Variants in ACTN4 observed in about 807,000 individuals in gnomAD.
The protein encoded by ACTN4 is actinin alpha 4, also known as alpha-actinin-4.
A neutral mutation model predicts 114.2 loss-of-function variants in ACTN4; 18 were observed. That is an observed-to-expected ratio of 0.16 (90% CI 0.11 to 0.23). ACTN4 has a LOEUF of 0.23. Among genes scored for constraint, ACTN4 ranks in the 10% least tolerant of loss-of-function variants. ACTN4 has a pLI of 1.00. For missense variants in ACTN4, 722 were observed against 1,262.9 expected (o/e 0.57, Z 6.49); for synonymous variants, 515 against 506.3 (o/e 1.02, Z -0.23).
chr19:38,664,663 G>A (rs1210012324), intron 1 of ACTN4, among the ~76,000 whole-genome samples: 4 of 152,238 alleles, frequency 2.6e-5, no homozygotes, highest in Admixed American at 6.5e-5. Context: ...GCCTGGGCAC[G>A]GGAGCACTGC....
intron 1 of ACTN4, among the ~76,000 whole-genome samples, chr19:38,656,254 A>C (rs188804314): frequency 5.3e-5 from 8 of 152,206 alleles, no homozygotes; most frequent in African/African-American, 1.9e-4. Context: ...CTGGGACTAG[A>C]GGTGCACACC....
At chr19:38,714,924 A>C (rs933280042) in intron 9 of ACTN4, among the ~76,000 whole-genome samples, 1 of 152,336 alleles carries the variant, frequency 6.6e-6, no homozygotes, top group South Asian at 2.1e-4. Flanking sequence ...AGAAGGATGG[A>C]GAGGGGCCTG....
chr19:38,657,300 G>A (rs769226944), intron 1 of ACTN4, among the ~76,000 whole-genome samples: 1 of 151,950 alleles, frequency 6.6e-6, no homozygotes, highest in Non-Finnish European at 1.5e-5. Flanking sequence ...GCGCCACGAC[G>A]CCCAGCTAAT....
chr19:38,706,625 C>T (rs950246927), intron 5 of ACTN4, among the ~76,000 whole-genome samples: 21 of 152,240 alleles, frequency 1.4e-4, no homozygotes, highest in African/African-American at 4.6e-4. Context: ...CCCTATGTTG[C>T]CCAGGCTGGA....
intron 1 of ACTN4, among the ~76,000 whole-genome samples, chr19:38,678,143 C>A (rs1967436659): frequency 6.6e-6 from 1 of 152,208 alleles, no homozygotes; most frequent in African/African-American, 2.4e-5. Flanking sequence ...GTTTACTGAG[C>A]TAGGATTGAC....
At chr19:38,726,918 C>T in intron 17 of ACTN4, 39 bp from the exon 18 acceptor site, 1 of 1,612,154 alleles carries the variant, frequency 6.2e-7, no homozygotes, top group Non-Finnish European at 8.5e-7. Flanking sequence ...GGACAGTTCA[C>T]AGCACCCGGC....
intron 1 of ACTN4, among the ~76,000 whole-genome samples, chr19:38,698,846 C>T (rs1223154240): frequency 6.6e-6 from 1 of 152,214 alleles, no homozygotes; most frequent in East Asian, 1.9e-4. Context: ...AATTAGGCAG[C>T]TGCTTTGTCT....
rs1245769793 is a variant in ACTN4, at chr19:38,674,530, A to G, written c.163-26070A>G. Reference sequence around the variant, plus strand: ...TTCGATGCTGGGACAGATCCCTAACACAGCTCATTAAAGCAGATAGCACCA... The same window carrying G: ...TTCGATGCTGGGACAGATCCCTAACGCAGCTCATTAAAGCAGATAGCACCA... On this transcript the variant is annotated intron_variant, in intron 1 of 20. Coordinates refer to ENST00000252699, the MANE Select transcript of ACTN4 (RefSeq NM_004924.6). 2.0e-5 allele frequency among the ~76,000 whole-genome samples: 3 copies of G among 152,152 alleles called. No homozygotes were observed. The East Asian group carries it at 5.8e-4, about 29-fold the overall frequency.
Position 38,724,413 on chromosome 19 carries a change from C to T in ACTN4, c.1876-18C>T, listed in dbSNP as rs1354943693. 3.1e-6 allele frequency: 5 copies of T among 1,612,584 alleles called. No homozygotes were observed. The highest frequency in any genetic ancestry group is 1.6e-4 in the Middle Eastern group (1 of 6,084). ...GGCCACCTCCCTGACCGCTCCCACACCGCGTCTCCTCTGCCAGGTGCAGCA... is the reference window on the plus strand; with the variant it reads ...GGCCACCTCCCTGACCGCTCCCACATCGCGTCTCCTCTGCCAGGTGCAGCA... On this transcript the variant is annotated intron_variant, in intron 15 of 20. Transcript: ENST00000252699. This position sits in a 1 kb window ranked among gnomAD's most constrained non-coding sequence, Gnocchi z 7.0.
chr19:38,706,934 C>T (rs952080240), intron 5 of ACTN4, among the ~76,000 whole-genome samples: 19 of 152,156 alleles, frequency 1.2e-4, no homozygotes, highest in African/African-American at 3.6e-4. Flanking sequence ...GTCCAGGGGG[C>T]GGCAAGAGGC....
intron 1 of ACTN4, among the ~76,000 whole-genome samples, chr19:38,680,538 G>A (rs1433945318): frequency 2.0e-5 from 3 of 152,108 alleles, no homozygotes; most frequent in Non-Finnish European, 2.9e-5. Flanking sequence ...CAAATGACCT[G>A]TTTGCTGAAC....
At chr19:38,650,281 T>A (rs1976521090) in intron 1 of ACTN4, among the ~76,000 whole-genome samples, 1 of 152,126 alleles carries the variant, frequency 6.6e-6, no homozygotes, top group Non-Finnish European at 1.5e-5. Flanking sequence ...TTTCACTCCC[T>A]CCCGAGAGTT....
rs550359868 is a variant in ACTN4, at chr19:38,713,904, ACT to A, written c.820-561_820-560del. On this transcript the variant is annotated intron_variant, in intron 8 of 20. Coordinates refer to ENST00000252699, the MANE Select transcript of ACTN4 (RefSeq NM_004924.6). ...TTCAGGCCCAGGGACTATGTCCACC[ACT>A]CTCACCCTCCAAAGCCCCAGCACTT... 2.1e-3 allele frequency among the ~76,000 whole-genome samples: 312 copies of A among 151,614 alleles called. 1 individual carries two copies. The highest frequency in any genetic ancestry group is 7.3e-3 in the African/African-American group (303 of 41,334).
At chr19:38,665,203 G>A (rs988216821) in intron 1 of ACTN4, among the ~76,000 whole-genome samples, 2 of 152,200 alleles carry the variant, frequency 1.3e-5, no homozygotes, top group African/African-American at 2.4e-5. Flanking sequence ...AAAGGTGTCA[G>A]TGGCAAGAAG....
chr19:38,696,613 C>T (rs530278644), intron 1 of ACTN4, among the ~76,000 whole-genome samples: 1 of 152,348 alleles, frequency 6.6e-6, no homozygotes, highest in African/African-American at 2.4e-5. Flanking sequence ...CATGGTCGAC[C>T]TGTTCCCAAG....
chr19:38,682,935 G>A (rs753299968), intron 1 of ACTN4, among the ~76,000 whole-genome samples: 5 of 152,226 alleles, frequency 3.3e-5, no homozygotes, highest in South Asian at 4.1e-4. Context: ...ACATTACTCC[G>A]TGTTATGGTA....
At chr19:38,719,876 G>C (rs974912253) in intron 11 of ACTN4, among the ~76,000 whole-genome samples, 5 of 152,192 alleles carry the variant, frequency 3.3e-5, no homozygotes, top group Non-Finnish European at 1.5e-5. Flanking sequence ...AAGGGCTCTG[G>C]GGCAGCCTTC....
chr19:38,673,441 T>TTA (rs954351526), intron 1 of ACTN4, among the ~76,000 whole-genome samples: 12 of 114,358 alleles, frequency 1.0e-4, no homozygotes, highest in South Asian at 9.9e-4. Context: ...GTTTTATTTT[T>TTA]TATATATATA....
intron 13 of ACTN4, 59 bp downstream of exon 13, chr19:38,723,781 G>A: frequency 1.3e-6 from 2 of 1,490,606 alleles, no homozygotes; most frequent in Non-Finnish European, 1.8e-6. Context: ...CGGGGCTGGT[G>A]GTGTGGATAG....
Sources: allele counts gnomAD v4.1 joint callset (sites outside exome capture counted in the v4.1 genomes callset), GRCh38; gene constraint gnomAD v4.1.1; non-coding constraint Gnocchi (gnomAD v3.1); transcripts MANE v1.5; gene names NCBI Gene and HGNC (gene_info 2026-07-23, HGNC 2026-07-21).